Variants in ZC3H12B observed in about 807,000 individuals in gnomAD.
ZC3H12B encodes probable ribonuclease ZC3H12B.
ZC3H12B carries 7 observed loss-of-function variants against 43.9 expected under a neutral mutation model. That is an observed-to-expected ratio of 0.16 (90% CI 0.09 to 0.30). ZC3H12B has a LOEUF of 0.30. Among genes scored for constraint, ZC3H12B ranks in the 10% least tolerant of loss-of-function variants. The pLI, the probability that ZC3H12B is intolerant of heterozygous loss-of-function variation, is 1.00. For synonymous variants in ZC3H12B, 222 were observed against 241.7 expected (o/e 0.92, Z 0.76); for missense variants, 475 against 670.2 (o/e 0.71, Z 3.22).
chrX:65,472,382 GT>G (rs1161744253), intron 3 of ZC3H12B, among the ~76,000 whole-genome samples: 8 of 86,272 alleles, frequency 9.3e-5, no homozygotes, highest in African/African-American at 7.0e-4. Context: ...TACAGAAGTT[GT>G]TTTTTTTGTT....
chrX:65,143,139 G>A, the ZC3H12B span, among the ~76,000 whole-genome samples: 6 of 111,374 alleles, frequency 5.4e-5, no homozygotes, highest in Non-Finnish European at 5.7e-5. Context: ...TATGAGCATG[G>A]GATGTGTTTC....
At chrX:65,122,354 C>G in the ZC3H12B span, among the ~76,000 whole-genome samples, 21 of 110,868 alleles carry the variant, frequency 1.9e-4, no homozygotes, top group Non-Finnish European at 5.7e-5. Context: ...TTGTCACCAC[C>G]AGGCCTGCCC....
chrX:65,103,914 A>G, the ZC3H12B span, among the ~76,000 whole-genome samples: 2 of 111,845 alleles, frequency 1.8e-5, no homozygotes, highest in Admixed American at 1.9e-4. Context: ...ATTAGAAAAA[A>G]CTACTTTAAA....
Position 65,502,454 on chromosome X carries a change from C to T in ZC3H12B, c.1756C>T (p.Arg586Cys), listed in dbSNP as rs772644610. 106 of 1,208,885 alleles carry T rather than the reference C, an allele frequency of 8.8e-5. No individual in the cohort carries two copies. In the Middle Eastern group the frequency reaches 1.4e-3, roughly 16 times the overall value. ...GAATCCTAACCTCTGTTCTGACAGC[C>T]GTGTGAGCCATACCAGGAATGACAA... is the stretch of plus-strand genomic sequence containing the variant. Residue 586 changes from arginine to cysteine, a missense_variant, in exon 5 of 5, where the codon CGT (arginine) becomes TGT (cysteine). Physicochemically the swap from Arg to Cys is radical, Grantham distance 180 (BLOSUM62 -3). Coordinates refer to ENST00000338957, the Ensembl canonical transcript of ZC3H12B.
chrX:65,399,046 A>T (rs1386313968), intron 3 of ZC3H12B, among the ~76,000 whole-genome samples: 2 of 112,381 alleles, frequency 1.8e-5, no homozygotes, highest in Non-Finnish European at 3.8e-5. Flanking sequence ...TAAAGACGCA[A>T]ATATAAGACC....
chrX:65,129,558 A>G, the ZC3H12B span, among the ~76,000 whole-genome samples: 75 of 110,207 alleles, frequency 6.8e-4, no homozygotes, highest in East Asian at 0.021. Flanking sequence ...TCACAAGGTA[A>G]TGTCGTCAGT....
intron 2 of ZC3H12B, among the ~76,000 whole-genome samples, chrX:65,376,038 C>A (rs370213882): frequency 1.7e-4 from 19 of 112,100 alleles, no homozygotes; most frequent in Middle Eastern, 4.6e-3. Flanking sequence ...CATTTCTGGA[C>A]GTGCCTTGGG....
the ZC3H12B span, among the ~76,000 whole-genome samples, chrX:65,333,653 T>C: frequency 8.9e-6 from 1 of 111,821 alleles, no homozygotes. Context: ...TCCTGTAAGT[T>C]TTTTTCCTCT....
chrX:65,506,226 A>C (rs1216542772), exon 5 of ZC3H12B: 1 of 112,721 alleles, frequency 8.9e-6, no homozygotes, highest in East Asian at 2.8e-4. Flanking sequence ...AGTTCTCTTT[A>C]GCCTATTAAA....
chrX:65,369,010 A>C lies in ZC3H12B; in HGVS notation n.295+12A>C, dbSNP rs866393424. The C allele has an allele frequency of 1.7e-4, 19 of 111,783 alleles. No homozygotes were observed. The highest frequency in any genetic ancestry group is 5.8e-4 in the African/African-American group (18 of 30,813). 9.2% of individuals were successfully genotyped at this position (111,783 alleles called of 1,213,427 possible). Reference sequence around the variant, plus strand: ...TGAGGTGTTAAGAGGTGGGTACTTTAGTGGTTGTTGTTGTTGTTGTGTGTG... The same window carrying C: ...TGAGGTGTTAAGAGGTGGGTACTTTCGTGGTTGTTGTTGTTGTTGTGTGTG... On this transcript the variant is annotated intron_variant and non_coding_transcript_variant, in intron 2 of 5. Transcript: ENST00000617377.
upstream of ZC3H12B, among the ~76,000 whole-genome samples, chrX:65,484,561 C>T (rs935695275): frequency 1.6e-4 from 18 of 111,638 alleles, no homozygotes; most frequent in African/African-American, 3.2e-5. Context: ...CTATAAGTGG[C>T]GGGAAGGGCA....
At chrX:65,059,559 A>G in the ZC3H12B span, among the ~76,000 whole-genome samples, 1 of 110,600 alleles carries the variant, frequency 9.0e-6, no homozygotes, top group Admixed American at 9.6e-5. Flanking sequence ...TGGGTTCTCT[A>G]TTCTGTTCCA....
At chrX:65,340,498 T>A in the ZC3H12B span, among the ~76,000 whole-genome samples, 1 of 111,662 alleles carries the variant, frequency 9.0e-6, no homozygotes, top group Non-Finnish European at 1.9e-5. Context: ...CATTCCCCAA[T>A]GCAGTGGGTT....
chrX:65,166,083 A>G, the ZC3H12B span, among the ~76,000 whole-genome samples: 1 of 110,717 alleles, frequency 9.0e-6, no homozygotes, highest in Non-Finnish European at 1.9e-5. Context: ...TCTAGGGTAC[A>G]TGTGCACAAT....
the ZC3H12B span, among the ~76,000 whole-genome samples, chrX:65,176,312 A>G: frequency 8.9e-6 from 1 of 111,845 alleles, no homozygotes; most frequent in Non-Finnish European, 1.9e-5. Flanking sequence ...AGCTCCAGAA[A>G]GCCTCTATAG....
chrX:65,422,868 C>CT (rs1356766508), intron 3 of ZC3H12B, among the ~76,000 whole-genome samples: 3 of 104,246 alleles, frequency 2.9e-5, no homozygotes, highest in Non-Finnish European at 5.8e-5. Flanking sequence ...TAAACTCATC[C>CT]TTTTTTGTGG....
At chrX:65,340,885 A>G in the ZC3H12B span, among the ~76,000 whole-genome samples, 1 of 112,322 alleles carries the variant, frequency 8.9e-6, no homozygotes, top group Admixed American at 9.4e-5. Context: ...AATAAAATTC[A>G]GAATATGAAT....
the ZC3H12B span, among the ~76,000 whole-genome samples, chrX:65,273,260 A>G: frequency 1.1e-3 from 124 of 112,273 alleles, no homozygotes; most frequent in South Asian, 4.0e-3. Context: ...CAAAGTTTTA[A>G]AAAGAAATGT....
intron 3 of ZC3H12B, among the ~76,000 whole-genome samples, chrX:65,479,377 T>C (rs1239793692): frequency 2.7e-5 from 3 of 109,372 alleles, no homozygotes; most frequent in African/African-American, 1.0e-4. Context: ...ATTTTTTTTT[T>C]TTTTTTTGAG....
Sources: gnomAD v4.1 joint callset for allele counts (sites outside exome capture counted in the v4.1 genomes callset) on GRCh38, gnomAD v4.1.1 for gene constraint, MANE v1.5 for transcripts, NCBI Gene and HGNC (gene_info 2026-07-23, HGNC 2026-07-21) for gene names.